Variants in KCNMB2 observed in about 807,000 individuals in gnomAD.
KCNMB2 encodes the protein potassium calcium-activated channel subfamily M regulatory beta subunit 2.
Under a neutral mutation model 24.5 loss-of-function variants are expected in KCNMB2, and 9 were observed. The ratio of observed to expected loss-of-function variants is 0.37; its 90% confidence interval spans 0.22 to 0.64. KCNMB2 has a LOEUF of 0.64. KCNMB2 is among the 30% of genes least tolerant of loss of function. The pLI is 0.63. For synonymous variants in KCNMB2, 109 were observed against 104.4 expected (o/e 1.04, Z -0.27); for missense variants, 226 against 284.3 (o/e 0.79, Z 1.47).
At chr3:178,723,338 T>A (rs1452970345) in intron 1 of KCNMB2, among the ~76,000 whole-genome samples, 1 of 152,194 alleles carries the variant, frequency 6.6e-6, no homozygotes, top group East Asian at 1.9e-4. Context: ...ATATTGAGTC[T>A]TATAATTCAT....
chr3:178,813,753 A>G (rs1714288650), intron 2 of KCNMB2, among the ~76,000 whole-genome samples: 1 of 152,212 alleles, frequency 6.6e-6, no homozygotes, highest in African/African-American at 2.4e-5. Context: ...GGTCTGTTTA[A>G]TTCAGCCAAA....
chr3:178,705,573 A>T (rs2108345100), intron 1 of KCNMB2, among the ~76,000 whole-genome samples: 1 of 152,328 alleles, frequency 6.6e-6, no homozygotes, highest in African/African-American at 2.4e-5. Flanking sequence ...TTAATCACAC[A>T]GGAAAGAATG....
At chr3:178,778,460 A>ACACGCACGCACGTGCGCGCGCGCG (rs879860042) in intron 1 of KCNMB2, among the ~76,000 whole-genome samples, 37 of 48,058 alleles carry the variant, frequency 7.7e-4, no homozygotes, top group African/African-American at 4.9e-3. Flanking sequence ...TTTAAGACAC[A>ACACGCACGCACGTGCGCGCGCGCG]CACACACACA....
At chr3:178,810,228 C>G (rs1187800376) in intron 2 of KCNMB2, among the ~76,000 whole-genome samples, 1 of 152,152 alleles carries the variant, frequency 6.6e-6, no homozygotes, top group Non-Finnish European at 1.5e-5. Flanking sequence ...AATAAATTAA[C>G]TAGATTGTCT....
At chr3:178,703,410 G>C (rs568960133) in intron 1 of KCNMB2, among the ~76,000 whole-genome samples, 52 of 152,078 alleles carry the variant, frequency 3.4e-4, no homozygotes, top group Admixed American at 7.9e-4. Flanking sequence ...AAAGGAAAAG[G>C]AAGGTATTTA....
At chr3:178,753,940 C>T (rs549212444) in intron 1 of KCNMB2, among the ~76,000 whole-genome samples, 35 of 150,502 alleles carry the variant, frequency 2.3e-4, no homozygotes, top group African/African-American at 7.8e-4. Context: ...AACATTTCTC[C>T]ATTCTCTTGT....
chr3:178,642,328 T>C (rs1719757059), intron 1 of KCNMB2, among the ~76,000 whole-genome samples: 1 of 152,098 alleles, frequency 6.6e-6, no homozygotes, highest in Admixed American at 6.6e-5. Context: ...AAGATCAGAG[T>C]TCTAACCAGG....
At chr3:178,799,581 T>C (rs555880239) in intron 1 of KCNMB2, among the ~76,000 whole-genome samples, 15 of 152,252 alleles carry the variant, frequency 9.9e-5, no homozygotes, top group African/African-American at 3.6e-4. Flanking sequence ...AGAATCAATA[T>C]TGTTAAAATG....
At chr3:178,601,015 T>C (rs1401275174) in intron 1 of KCNMB2, among the ~76,000 whole-genome samples, 1 of 152,074 alleles carries the variant, frequency 6.6e-6, no homozygotes, top group Non-Finnish European at 1.5e-5. Flanking sequence ...TATGCAGCCA[T>C]ATAAAAGGAT....
At position 178,686,267 on chromosome 3, in the gene KCNMB2, C is replaced by T. The variant is rs944265922; in HGVS notation, c.-67-121076C>T. Among the ~76,000 whole-genome samples, 18 of 152,248 alleles carry T rather than the reference C, an allele frequency of 1.2e-4. No homozygotes were observed. The South Asian group carries it at 3.5e-3, about 30-fold the overall frequency. On this transcript the variant is annotated intron_variant, in intron 1 of 4. Transcript: ENST00000452583. ...AAGTTCTACGTGGCATGGGAGACTTCATAAAGAAATAAAGACCCAAAGAAA... is the reference window on the plus strand; with the variant it reads ...AAGTTCTACGTGGCATGGGAGACTTTATAAAGAAATAAAGACCCAAAGAAA...
intron 1 of KCNMB2, among the ~76,000 whole-genome samples, chr3:178,588,786 C>G (rs1186634858): frequency 6.6e-6 from 1 of 152,132 alleles, no homozygotes; most frequent in African/African-American, 2.4e-5. Flanking sequence ...ACACCACTTA[C>G]AAAACCTTGG....
At chr3:178,573,746 CAAAAAAAAA>C (rs11348394) in intron 1 of KCNMB2, among the ~76,000 whole-genome samples, 1 of 78,984 alleles carries the variant, frequency 1.3e-5, no homozygotes, top group Non-Finnish European at 2.3e-5. Context: ...GACCCTGTCT[CAAAAAAAAA>C]AAAAAAAAAA....
intron 1 of KCNMB2, among the ~76,000 whole-genome samples, chr3:178,705,197 G>A (rs1722238130): frequency 6.6e-6 from 1 of 152,028 alleles, no homozygotes; most frequent in Non-Finnish European, 1.5e-5. Context: ...CCTTCTGGTA[G>A]CTTCACCTCA....
intron 1 of KCNMB2, among the ~76,000 whole-genome samples, chr3:178,633,315 C>T (rs139252203): frequency 9.2e-5 from 14 of 152,316 alleles, no homozygotes; most frequent in African/African-American, 2.2e-4. Flanking sequence ...ACTGCCCTCA[C>T]GGAGGTTCTC....
At chr3:178,759,775 G>GATATATCTATATATATATAT (rs1711662911) in intron 1 of KCNMB2, among the ~76,000 whole-genome samples, 2 of 25,662 alleles carry the variant, frequency 7.8e-5, no homozygotes, top group African/African-American at 4.9e-4. Context: ...TATCCAAGAG[G>GATATATCTATATATATATAT]ATATATCTAT....
chr3:178,569,735 G>C (rs1716702229), intron 1 of KCNMB2, among the ~76,000 whole-genome samples: 1 of 152,124 alleles, frequency 6.6e-6, no homozygotes, highest in Admixed American at 6.6e-5. Flanking sequence ...TAAATATTTA[G>C]GATAATGAAT....
chr3:178,717,261 C>G (rs1317598813), intron 1 of KCNMB2, among the ~76,000 whole-genome samples: 3 of 152,052 alleles, frequency 2.0e-5, no homozygotes, highest in African/African-American at 7.3e-5. Context: ...TCCAGCACCA[C>G]TGTGTTCATG....
intron 1 of KCNMB2, among the ~76,000 whole-genome samples, chr3:178,735,208 GCAGTCTGCCCCTGGGCAGCATC>G (rs1723277884): frequency 1.3e-5 from 2 of 152,248 alleles, no homozygotes; most frequent in Admixed American, 6.5e-5. Context: ...GAGAAGCTGA[GCAGTCTGCCCCTGGGCAGCATC>G]CAGTCTGCCA....
chr3:178,830,429 T>C (rs1252768510), intron 4 of KCNMB2, among the ~76,000 whole-genome samples: 1 of 152,168 alleles, frequency 6.6e-6, no homozygotes, highest in East Asian at 1.9e-4. Context: ...TTCTCATATA[T>C]GTCTCTGGTG....
Sources: gnomAD v4.1 joint callset for allele counts (sites outside exome capture counted in the v4.1 genomes callset) on GRCh38, gnomAD v4.1.1 for gene constraint, MANE v1.5 for transcripts, NCBI Gene and HGNC (gene_info 2026-07-23, HGNC 2026-07-21) for gene names.